RANBP2: variants seen among roughly 807,000 people sequenced by gnomAD.
The protein encoded by RANBP2 is RAN binding protein 2.
In RANBP2, 57 loss-of-function variants were observed where a neutral mutation model predicts 303.6. The observed-to-expected ratio is 0.19, with a 90% CI of 0.15 to 0.23. The LOEUF (loss-of-function observed/expected upper bound fraction) is 0.23, where lower values mean the gene tolerates loss of function less well. RANBP2 is among the 10% of genes least tolerant of loss of function. The pLI, the probability that RANBP2 is intolerant of heterozygous loss-of-function variation, is 1.00. For missense variants in RANBP2, 3,138 were observed against 3,780.8 expected, an observed-to-expected ratio of 0.83 and a Z score of 4.46; for synonymous variants, 1,167 against 1,301.5, an observed-to-expected ratio of 0.90 and a Z score of 2.23.
chr2:109,148,288 C>T, the RANBP2 span, among the ~76,000 whole-genome samples: 5 of 152,322 alleles, frequency 3.3e-5, no homozygotes, highest in Non-Finnish European at 5.9e-5. Context: ...GAGCAGAGCA[C>T]GTGAGGGAAT....
At chr2:108,977,007 T>G in the RANBP2 span, among the ~76,000 whole-genome samples, 13 of 152,274 alleles carry the variant, frequency 8.5e-5, no homozygotes, top group East Asian at 2.5e-3. Context: ...AAAAGGTGTC[T>G]GAGGGTGCCC....
the RANBP2 span, among the ~76,000 whole-genome samples, chr2:109,495,967 C>T: frequency 2.6e-5 from 4 of 152,178 alleles, no homozygotes; most frequent in Admixed American, 6.5e-5. Flanking sequence ...CTGGTGGGTT[C>T]GTGGTCTCAC....
chr2:108,953,082 A>G, the RANBP2 span, among the ~76,000 whole-genome samples: 3 of 152,260 alleles, frequency 2.0e-5, no homozygotes, highest in African/African-American at 4.8e-5. Flanking sequence ...TAATAACCAC[A>G]TCATGAAAAG....
the RANBP2 span, among the ~76,000 whole-genome samples, chr2:109,722,813 G>T: frequency 1.3e-5 from 2 of 152,168 alleles, no homozygotes; most frequent in African/African-American, 4.8e-5. Context: ...ACATGATCTT[G>T]TTCCTTTTTA....
the RANBP2 span, among the ~76,000 whole-genome samples, chr2:109,067,200 C>A: frequency 6.6e-6 from 1 of 152,162 alleles, no homozygotes; most frequent in Non-Finnish European, 1.5e-5. Context: ...CCTAGTGAGG[C>A]CTGGTGACTT....
In RANBP2 at chr2:108,768,065, T is replaced by C; in HGVS notation, c.7526T>C (p.Val2509Ala). The C allele has an allele frequency of 6.2e-7, 1 of 1,611,878 alleles. No individual in the cohort carries two copies. The highest frequency in any genetic ancestry group is 8.5e-7 in the Non-Finnish European group (1 of 1,179,806). Reference protein sequence around the residue: ...STSETTPKAVVSPPKFVFGSE... With the variant: ...STSETTPKAVASPPKFVFGSE... ...TCTGAAACAACACCAAAAGCAGTGG[T>C]TTCTCCTCCAAAGTTTGTATTTGGT... Residue 2509 changes from valine (V) to alanine (A), a missense_variant, in exon 20 of 29, where the codon GTT (valine) becomes GCT (alanine). Val to Ala is a moderately conservative substitution (Grantham distance 64). Transcript: ENST00000283195.
the RANBP2 span, among the ~76,000 whole-genome samples, chr2:109,435,108 G>C: frequency 4.1e-4 from 63 of 152,232 alleles, no homozygotes; most frequent in African/African-American, 1.5e-3. Flanking sequence ...TCCAAATCTA[G>C]CCCCGGTAAC....
chr2:109,201,631 C>T, the RANBP2 span, among the ~76,000 whole-genome samples: 2 of 152,168 alleles, frequency 1.3e-5, no homozygotes, highest in African/African-American at 4.8e-5. Flanking sequence ...GCATGGCCTT[C>T]GTTTGGGACG....
chr2:109,136,925 C>T, the RANBP2 span, among the ~76,000 whole-genome samples: 56,796 of 151,966 alleles, frequency 0.37, 13,679 homozygotes, highest in Non-Finnish European at 0.54. Flanking sequence ...AGGGAGCCAT[C>T]TTTACCCTGG....
At chr2:109,614,268 GGGCGTGGCCTGGT>G in the RANBP2 span, 1 of 679,810 alleles carries the variant, frequency 1.5e-6, no homozygotes. Flanking sequence ...GAGCGGAAGT[GGGCGTGGCCTGGT>G]GGCGTGGGCG....
chr2:109,330,651 G>A, the RANBP2 span, among the ~76,000 whole-genome samples: 1 of 152,136 alleles, frequency 6.6e-6, no homozygotes, highest in African/African-American at 2.4e-5. Context: ...CGGAAGGGAG[G>A]GATGATAGAT....
chr2:109,035,301 G>T, the RANBP2 span, among the ~76,000 whole-genome samples: 1 of 152,072 alleles, frequency 6.6e-6, no homozygotes, highest in East Asian at 1.9e-4. Context: ...TTGACTGCTG[G>T]TTCCCCCAAG....
the RANBP2 span, among the ~76,000 whole-genome samples, chr2:109,568,930 C>G: frequency 6.6e-6 from 1 of 152,180 alleles, no homozygotes; most frequent in Non-Finnish European, 1.5e-5. Context: ...CTATCACTGA[C>G]AGAGGGCAAG....
At chr2:108,994,843 T>G in the RANBP2 span, among the ~76,000 whole-genome samples, 1 of 136,282 alleles carries the variant, frequency 7.3e-6, no homozygotes, top group South Asian at 2.3e-4. Context: ...TTTTTTTTTT[T>G]TTTTGAGACA....
chr2:109,651,414 T>C, the RANBP2 span, among the ~76,000 whole-genome samples: 303 of 152,290 alleles, frequency 2.0e-3, no homozygotes, highest in African/African-American at 7.1e-3. Flanking sequence ...TGCATTGCTC[T>C]CCCAAACAAA....
At chr2:108,832,543 C>T in the RANBP2 span, among the ~76,000 whole-genome samples, 2 of 151,994 alleles carry the variant, frequency 1.3e-5, no homozygotes, top group Admixed American at 1.3e-4. Flanking sequence ...GACGGGGTTT[C>T]TCCTTGTTGG....
the RANBP2 span, among the ~76,000 whole-genome samples, chr2:109,610,678 T>C: frequency 1.3e-5 from 2 of 151,998 alleles, no homozygotes; most frequent in Non-Finnish European, 2.9e-5. Context: ...ATCATGCTAT[T>C]GAACTCCAGC....
chr2:109,288,520 C>A, the RANBP2 span, among the ~76,000 whole-genome samples: 1 of 152,210 alleles, frequency 6.6e-6, no homozygotes. Flanking sequence ...CCCCAGGTGA[C>A]CTCTCAAAAC....
At chr2:108,838,255 G>T in the RANBP2 span, among the ~76,000 whole-genome samples, 3 of 152,172 alleles carry the variant, frequency 2.0e-5, no homozygotes, top group African/African-American at 7.2e-5. Flanking sequence ...GGCTGGTCCA[G>T]GGAGGGGCAA....
Sources: allele counts gnomAD v4.1 joint callset (sites outside exome capture counted in the v4.1 genomes callset), GRCh38; gene constraint gnomAD v4.1.1; transcripts MANE v1.5; gene names NCBI Gene and HGNC (gene_info 2026-07-23, HGNC 2026-07-21).